Variants in SLC6A6 observed in about 807,000 individuals in gnomAD.
SLC6A6 encodes the protein solute carrier family 6 member 6, also known as sodium- and chloride-dependent taurine transporter.
In SLC6A6, 16 loss-of-function variants were observed where a neutral mutation model predicts 68.8. The observed-to-expected ratio is 0.23, with a 90% CI of 0.16 to 0.35. The LOEUF (loss-of-function observed/expected upper bound fraction) is 0.35, where lower values mean the gene tolerates loss of function less well. SLC6A6 is among the 10% of genes least tolerant of loss of function. SLC6A6 has a pLI of 1.00. For synonymous variants in SLC6A6, 312 were observed against 315.4 expected (o/e 0.99, Z 0.12); for missense variants, 474 against 802.8 (o/e 0.59, Z 4.95).
rs533868386 is a variant in SLC6A6, at chr3:14,477,015, C to A, written c.1210-190C>A. ...TTGTCTGGCTCCGAGGAGTGGCAGG[C>A]GGGACTCCCCAGGCACAGTCAGGGA... is the stretch of plus-strand genomic sequence containing the variant. On this transcript the variant is annotated intron_variant, in intron 10 of 14. Coordinates refer to ENST00000622186, the MANE Select transcript of SLC6A6 (RefSeq NM_003043.6). The surrounding 1 kb of genome is among the most constrained non-coding windows in gnomAD (Gnocchi z 4.2). Among the ~76,000 whole-genome samples, 1 of 152,298 alleles carries A rather than the reference C, an allele frequency of 6.6e-6. No individual in the cohort carries two copies. The highest frequency in any genetic ancestry group is 1.9e-4 in the East Asian group (1 of 5,180).
At chr3:14,416,540 C>T in intron 2 of SLC6A6, 87 bp downstream of exon 2, 1 of 397,844 alleles carries the variant, frequency 2.5e-6, no homozygotes, top group South Asian at 1.3e-4. Context: ...CTCCGTGTCT[C>T]CCCCAGGCTC....
At chr3:14,428,292 G>C (rs1699646960) in intron 2 of SLC6A6, among the ~76,000 whole-genome samples, 1 of 152,214 alleles carries the variant, frequency 6.6e-6, no homozygotes, top group African/African-American at 2.4e-5. Flanking sequence ...TTGAGCCCTG[G>C]TCTTGGCCCT....
At chr3:14,467,789 T>G (rs1700654699) in intron 7 of SLC6A6, 64 bp from the exon 8 acceptor site, 1 of 997,924 alleles carries the variant, frequency 1.0e-6, no homozygotes, top group Non-Finnish European at 1.5e-6. Context: ...CCTCGCTGCC[T>G]CCTCCAGGAA....
In SLC6A6 at chr3:14,430,612, G is replaced by A. The variant is rs1373724738; in HGVS notation, c.-11-13012G>A. ...CTGGCTGAGCAGTAGCCGCTGTTAGGCACCATCTTGTAGTGCTGGAAGTCG... is the reference window on the plus strand; with the variant it reads ...CTGGCTGAGCAGTAGCCGCTGTTAGACACCATCTTGTAGTGCTGGAAGTCG... On this transcript the variant is annotated intron_variant, in intron 2 of 14. Transcript: ENST00000622186. 2.6e-5 allele frequency among the ~76,000 whole-genome samples: 4 copies of A among 152,190 alleles called. No homozygotes were observed. The East Asian group carries it at 7.7e-4, about 29-fold the overall frequency.
chr3:14,406,464 CGG>C (rs1423829585), intron 1 of SLC6A6, among the ~76,000 whole-genome samples: 1 of 152,258 alleles, frequency 6.6e-6, no homozygotes, highest in East Asian at 1.9e-4. Flanking sequence ...GTCCAGGAGA[CGG>C]AGAGTCACCG....
At chr3:14,441,156 G>C (rs1699974816) in intron 2 of SLC6A6, among the ~76,000 whole-genome samples, 1 of 152,132 alleles carries the variant, frequency 6.6e-6, no homozygotes. Context: ...TAGCCGCAGT[G>C]AAGCAGACCC....
At position 14,447,443 on chromosome 3, in the gene SLC6A6, A is replaced by G. The variant is rs1202321682; in HGVS notation, c.365-139A>G. On this transcript the variant is annotated intron_variant, in intron 4 of 14. Transcript: ENST00000622186. ...ATTCAACCAGCCATCCATTCACCCTATAAATATTTGGTGGTCACTGTTGAA... is the reference window on the plus strand; with the variant it reads ...ATTCAACCAGCCATCCATTCACCCTGTAAATATTTGGTGGTCACTGTTGAA... 20 of 989,738 alleles carry G rather than the reference A, an allele frequency of 2.0e-5. 1 individual carries two copies. The highest frequency in any genetic ancestry group is 2.9e-5 in the Non-Finnish European group (19 of 656,584). The allele number at this position is 989,738 out of a possible 1,614,324, so 61.3% of individuals were successfully genotyped here.
intron 5 of SLC6A6, among the ~76,000 whole-genome samples, chr3:14,455,973 G>A (rs1263750437): frequency 6.6e-6 from 1 of 152,256 alleles, no homozygotes; most frequent in African/African-American, 2.4e-5. Flanking sequence ...TTTAGGCTCT[G>A]TTTTCTCTTA....
intron 1 of SLC6A6, among the ~76,000 whole-genome samples, chr3:14,405,559 G>A (rs1047142367): frequency 6.6e-6 from 1 of 152,220 alleles, no homozygotes; most frequent in Admixed American, 6.5e-5. Flanking sequence ...GAAATCCCAG[G>A]GCCACCCTGG....
chr3:14,416,247 T>C (rs1012700595), intron 1 of SLC6A6, among the ~76,000 whole-genome samples, 165 bp from the exon 2 acceptor site: 1 of 152,194 alleles, frequency 6.6e-6, no homozygotes, highest in Non-Finnish European at 1.5e-5. Context: ...TGTGTGAGTA[T>C]GCATGTGTGA....
chr3:14,468,751 G>A lies in SLC6A6; in HGVS notation c.1096+539G>A, dbSNP rs1165684021. Among the ~76,000 whole-genome samples the A allele has an allele frequency of 1.3e-5, 2 of 152,184 alleles. No individual in the cohort carries two copies. Among genetic ancestry groups the A allele is most frequent in the South Asian group, 2.1e-4 (1 of 4,828 alleles). ...GTGTGGGGGGAGGGCGTAGATGAGGGGACGACCTACTGGGACGGTGGCAGA... is the reference window on the plus strand; with the variant it reads ...GTGTGGGGGGAGGGCGTAGATGAGGAGACGACCTACTGGGACGGTGGCAGA... On this transcript the variant is annotated intron_variant, in intron 9 of 14. Coordinates refer to ENST00000622186, the MANE Select transcript of SLC6A6 (RefSeq NM_003043.6). This position sits in a 1 kb window ranked among gnomAD's most constrained non-coding sequence, Gnocchi z 4.5.
At position 14,445,434 on chromosome 3, in the gene SLC6A6, A is replaced by G. The variant is rs1401887009; in HGVS notation, c.230-283A>G. Among the ~76,000 whole-genome samples, 5 of 125,338 alleles carry G rather than the reference A, an allele frequency of 4.0e-5. No homozygotes were observed. The East Asian group carries it at 8.8e-4, about 22-fold the overall frequency. The allele number at this position is 125,338 out of a possible 152,430, so 82.2% of individuals were successfully genotyped here. A position where few individuals can be genotyped will look rare whatever the true frequency, so the allele number is the denominator to read the frequency against. ...AGACTCCACCTCAAAAGAAAAAAAA[A>G]AAAGAAAAAAAGAAAGAAAGAAAGA... On this transcript the variant is annotated intron_variant, in intron 3 of 14. Transcript: ENST00000622186.
chr3:14,459,145 A>T (rs944256193), intron 6 of SLC6A6, among the ~76,000 whole-genome samples: 1 of 152,172 alleles, frequency 6.6e-6, no homozygotes, highest in African/African-American at 2.4e-5. Flanking sequence ...CTGCCTTTAG[A>T]TAGTGCCCTG....
At chr3:14,469,599 A>G (rs868499480) in intron 9 of SLC6A6, among the ~76,000 whole-genome samples, 2 of 152,270 alleles carry the variant, frequency 1.3e-5, no homozygotes, top group Middle Eastern at 6.8e-3. Context: ...CATCCTGTCC[A>G]CTATTTCTCC....
At chr3:14,463,859 C>G (rs1213822095) in intron 6 of SLC6A6, among the ~76,000 whole-genome samples, 2 of 152,176 alleles carry the variant, frequency 1.3e-5, no homozygotes, top group Non-Finnish European at 2.9e-5. Context: ...CTGTCAGTGT[C>G]GGAGAGCCAT....
chr3:14,468,272 C>T lies in SLC6A6; in HGVS notation c.1096+60C>T. On this transcript the variant is annotated intron_variant, in intron 9 of 14. Transcript: ENST00000622186. The surrounding 1 kb of genome is among the most constrained non-coding windows in gnomAD (Gnocchi z 4.5). Reference sequence around the variant, plus strand: ...TGCCACCTAGTGTGTAAGCCAAGTACTGCAGGCATGAAGCCAGACCCCAGG... The same window carrying T: ...TGCCACCTAGTGTGTAAGCCAAGTATTGCAGGCATGAAGCCAGACCCCAGG... 1 of 1,522,272 alleles carries T rather than the reference C, an allele frequency of 6.6e-7. No individual in the cohort carries two copies. The highest frequency in any genetic ancestry group is 8.9e-7 in the Non-Finnish European group (1 of 1,121,508). The allele number at this position is 1,522,272 out of a possible 1,614,324, so 94.3% of individuals were successfully genotyped here.
At chr3:14,440,810 C>G (rs1283025978) in intron 2 of SLC6A6, among the ~76,000 whole-genome samples, 2 of 152,056 alleles carry the variant, frequency 1.3e-5, no homozygotes, top group Non-Finnish European at 2.9e-5. Context: ...TTCTTCAAGG[C>G]AGGTGGACCT....
chr3:14,472,658 G>A lies in SLC6A6; in HGVS notation c.1209+341G>A, dbSNP rs892970800. 2.0e-5 allele frequency among the ~76,000 whole-genome samples: 3 copies of A among 152,190 alleles called. No homozygotes were observed. Among genetic ancestry groups the A allele is most frequent in the Non-Finnish European group, 2.9e-5 (2 of 68,032 alleles). On this transcript the variant is annotated intron_variant, in intron 10 of 14. Coordinates refer to ENST00000622186, the MANE Select transcript of SLC6A6 (RefSeq NM_003043.6). The surrounding 1 kb of genome is among the most constrained non-coding windows in gnomAD (Gnocchi z 4.5). ...TGGTTACAGTCAAGCCACAAATGACGAATTGGAGGTCATGACTCAATAAGT... is the reference window on the plus strand; with the variant it reads ...TGGTTACAGTCAAGCCACAAATGACAAATTGGAGGTCATGACTCAATAAGT...
intron 2 of SLC6A6, among the ~76,000 whole-genome samples, chr3:14,436,116 G>A (rs1699845717): frequency 6.6e-6 from 1 of 152,198 alleles, no homozygotes; most frequent in South Asian, 2.1e-4. Context: ...ATATATAAAA[G>A]AGAAAAAGAA....
Sources: gnomAD v4.1 joint callset for allele counts (sites outside exome capture counted in the v4.1 genomes callset) on GRCh38, gnomAD v4.1.1 for gene constraint, Gnocchi (gnomAD v3.1) non-coding constraint, MANE v1.5 for transcripts, NCBI Gene and HGNC (gene_info 2026-07-23, HGNC 2026-07-21) for gene names.